The following C5orf24 variants were observed in gnomAD, a reference collection of about 807,000 sequenced individuals.
C5orf24 encodes the protein chromosome 5 open reading frame 24.
A neutral mutation model predicts 9.8 loss-of-function variants in C5orf24; 4 were observed. The ratio of observed to expected loss-of-function variants is 0.41; its 90% CI spans 0.20 to 0.93. C5orf24 has a LOEUF of 0.93. Ranked by LOEUF, C5orf24 falls within the 40% of genes least tolerant of loss-of-function variation. The pLI, the probability that C5orf24 is intolerant of heterozygous loss-of-function variation, is 0.33. For synonymous variants in C5orf24, 73 were observed against 81.3 expected, an observed-to-expected ratio of 0.90 and a Z score of 0.55; for missense variants, 170 against 236.9, an observed-to-expected ratio of 0.72 and a Z score of 1.85.
chr5:134,839,745 A>C, the C5orf24 span, among the ~76,000 whole-genome samples: 1 of 149,680 alleles, frequency 6.7e-6, no homozygotes, highest in Non-Finnish European at 1.5e-5. Flanking sequence ...GCTGGAGTGC[A>C]ATGGCGCAGT....
At chr5:134,834,369 C>T in the C5orf24 span, among the ~76,000 whole-genome samples, 1 of 152,150 alleles carries the variant, frequency 6.6e-6, no homozygotes, top group Admixed American at 6.6e-5. Flanking sequence ...CTCTCAAGTG[C>T]CTTCCAGCCA....
At position 134,856,101 on chromosome 5, in the gene C5orf24, G is replaced by A. The variant is rs1186323604; in HGVS notation, c.*634G>A. On this transcript the variant is annotated 3_prime_UTR_variant, in exon 2 of 2. Coordinates refer to ENST00000394976, the MANE Select transcript of C5orf24 (RefSeq NM_001135586.1). ...TACCTGAAATAATTCTTCAGTGTTT[G>A]CCTTTGAGCAGTGATAGGTTGTGTA... The A allele has an allele frequency of 2.0e-6, 2 of 1,000,396 alleles. No individual in the cohort carries two copies. Among genetic ancestry groups the A allele is most frequent in the Non-Finnish European group, 1.2e-6 (1 of 830,246 alleles). 62.0% of individuals were successfully genotyped at this position (1,000,396 alleles called of 1,614,324 possible). A position where few individuals can be genotyped will look rare whatever the true frequency, so the allele number is the denominator to read the frequency against.
rs147701326 is a variant in C5orf24 at position 134,849,148 on chromosome 5, C to G, written c.-4+2936C>G. 6.0e-3 allele frequency among the ~76,000 whole-genome samples: 846 copies of G among 141,182 alleles called. 4 individuals carry two copies. Among genetic ancestry groups the G allele is most frequent in the Middle Eastern group, 0.056 (12 of 214 alleles). The allele number at this position is 141,182 out of a possible 152,430, so 92.6% of individuals were successfully genotyped here. A position where few individuals can be genotyped will look rare whatever the true frequency, so the allele number is the denominator to read the frequency against. ...CACATGCCTGTAATCCCAGCTACTT[C>G]GGAGGCTGAGGCAGGAGAATCGCTT... On this transcript the variant is annotated intron_variant, in intron 1 of 1. Transcript: ENST00000394976.
chr5:134,847,981 G>A (rs966485544), intron 1 of C5orf24, among the ~76,000 whole-genome samples: 1 of 152,156 alleles, frequency 6.6e-6, no homozygotes, highest in African/African-American at 2.4e-5. Context: ...GGGATTACAG[G>A]CCTGAGCCAC....
the C5orf24 span, among the ~76,000 whole-genome samples, chr5:134,834,682 C>G: frequency 5.3e-5 from 8 of 151,874 alleles, no homozygotes; most frequent in South Asian, 1.7e-3. Context: ...TTTGGGAGGC[C>G]GAGGAGGGTG....
chr5:134,853,164 CA>C (rs995968461), intron 1 of C5orf24, among the ~76,000 whole-genome samples: 5 of 140,564 alleles, frequency 3.6e-5, no homozygotes, highest in Admixed American at 2.9e-4. Flanking sequence ...GACTCAGTCT[CA>C]AAAAAAAATA....
Position 134,854,898 on chromosome 5 carries a change from A to G in C5orf24, c.-3A>G. 6.2e-7 allele frequency: 1 copy of G among 1,613,244 alleles called. No individual in the cohort carries two copies. The highest frequency in any genetic ancestry group is 8.5e-7 in the Non-Finnish European group (1 of 1,179,872). On this transcript the variant is annotated splice_region_variant and 5_prime_UTR_variant, in exon 2 of 2. Coordinates refer to ENST00000394976, the MANE Select transcript of C5orf24 (RefSeq NM_001135586.1). ...TATATTTGTCTTTTATTTTTGGTAGAAAATGATGCATCCTGTTGCCAGCAG... is the reference window on the plus strand; with the variant it reads ...TATATTTGTCTTTTATTTTTGGTAGGAAATGATGCATCCTGTTGCCAGCAG...
rs1580846054 is a variant in C5orf24, at chr5:134,855,715, T to C, written c.*248T>C. ...CTAACTAAATCATTTTTCCTTTTCC[T>C]TTAGAGTTATGGTCATGTCTCATGT... On this transcript the variant is annotated 3_prime_UTR_variant, in exon 2 of 2. Coordinates refer to ENST00000394976, the MANE Select transcript of C5orf24 (RefSeq NM_001135586.1). 1 of 1,372,386 alleles carries C rather than the reference T, an allele frequency of 7.3e-7. No individual in the cohort carries two copies. Among genetic ancestry groups the C allele is most frequent in the Non-Finnish European group, 9.4e-7 (1 of 1,059,678 alleles). The allele number at this position is 1,372,386 out of a possible 1,614,324, so 85.0% of individuals were successfully genotyped here.
In C5orf24 at chr5:134,854,976, A is replaced by C. The variant is rs144977700; in HGVS notation, c.76A>C (p.Met26Leu). 2 of 1,614,056 alleles carry C rather than the reference A, an allele frequency of 1.2e-6. No homozygotes were observed. The highest frequency in any genetic ancestry group is 1.7e-6 in the Non-Finnish European group (2 of 1,180,042). ...GKPSCLNEDA[M>L]RAADQFDIYS... ...GCCTTCCTGCCTCAATGAAGATGCC[A>C]TGAGAGCTGCTGATCAGTTTGACAT... The change falls in exon 2 of 2, where the codon ATG becomes CTG. Residue 26 changes from methionine (M) to leucine (L), a missense_variant. Transcript: ENST00000394976.
the C5orf24 span, among the ~76,000 whole-genome samples, chr5:134,836,307 G>A: frequency 6.6e-6 from 1 of 151,532 alleles, no homozygotes; most frequent in African/African-American, 2.4e-5. Context: ...AAGTAGCTGG[G>A]ATTACAAGTG....
At chr5:134,846,747 C>T (rs2150171530) in intron 1 of C5orf24, 1 of 152,116 alleles carries the variant, frequency 6.6e-6, no homozygotes, top group East Asian at 1.9e-4. Context: ...AGTTAAGGAG[C>T]AGGAAGAAGA....
chr5:134,854,614 TA>T (rs1216239293), intron 1 of C5orf24, among the ~76,000 whole-genome samples: 1 of 152,244 alleles, frequency 6.6e-6, no homozygotes, highest in Admixed American at 6.5e-5. Flanking sequence ...GTTTTTGACT[TA>T]CACACTTTTC....
In C5orf24 at chr5:134,855,738, T is replaced by C; in HGVS notation, c.*271T>C. The stretch of plus-strand genomic sequence containing the variant: ...CCTTTAGAGTTATGGTCATGTCTCA[T>C]GTTTCATTACTACTTTGGGGCTGTT... On this transcript the variant is annotated 3_prime_UTR_variant, in exon 2 of 2. Coordinates refer to ENST00000394976, the MANE Select transcript of C5orf24 (RefSeq NM_001135586.1). The C allele has an allele frequency of 3.0e-6, 4 of 1,319,432 alleles. No homozygotes were observed. Among genetic ancestry groups the C allele is most frequent in the African/African-American group, 1.5e-5 (1 of 66,280 alleles). The allele number at this position is 1,319,432 out of a possible 1,614,324, so 81.7% of individuals were successfully genotyped here.
Position 134,856,631 on chromosome 5 carries a change from A to G in C5orf24, c.*1164A>G, listed in dbSNP as rs1756319444. 1 of 750,644 alleles carries G rather than the reference A, an allele frequency of 1.3e-6. No individual in the cohort carries two copies. The highest frequency in any genetic ancestry group is 1.9e-5 in the African/African-American group (1 of 51,358). The allele number at this position is 750,644 out of a possible 1,614,324, so 46.5% of individuals were successfully genotyped here. A position where few individuals can be genotyped will look rare whatever the true frequency, so the allele number is the denominator to read the frequency against. On this transcript the variant is annotated 3_prime_UTR_variant, in exon 2 of 2. Transcript: ENST00000394976. ...ACTCCAGCCTGGGTGACAGAGTAAG[A>G]CTCCGTCTCAAATAAATAAATAAAT...
chr5:134,854,061 C>CA (rs1420483819), intron 1 of C5orf24, among the ~76,000 whole-genome samples: 4 of 152,168 alleles, frequency 2.6e-5, no homozygotes, highest in African/African-American at 9.6e-5. Context: ...GCCTGGGTGA[C>CA]AGAGCAAGAC....
At chr5:134,843,494 C>T (rs910835065), upstream of C5orf24, among the ~76,000 whole-genome samples, 3 of 152,100 alleles carry the variant, frequency 2.0e-5, no homozygotes, top group Admixed American at 6.6e-5. Context: ...AGTGCAGTGG[C>T]GTGGCTCACT....
the C5orf24 span, among the ~76,000 whole-genome samples, chr5:134,839,200 CA>C: frequency 2.2e-3 from 265 of 121,148 alleles, no homozygotes; most frequent in South Asian, 7.9e-3. Context: ...GACCCTGTCT[CA>C]AAAAAAAAAA....
Position 134,857,048 on chromosome 5 carries a change from G to T in C5orf24, c.*1581G>T. On this transcript the variant is annotated 3_prime_UTR_variant, in exon 2 of 2. Transcript: ENST00000394976. ...AAGTATTAGGTAGATATGTATAGTA[G>T]GGACAGAGGGAAATCTTTCTTCTTT... 2 of 1,087,228 alleles carry T rather than the reference G, an allele frequency of 1.8e-6. No homozygotes were observed. The highest frequency in any genetic ancestry group is 1.1e-6 in the Non-Finnish European group (1 of 883,524). 67.3% of individuals were successfully genotyped at this position (1,087,228 alleles called of 1,614,324 possible). A position where few individuals can be genotyped will look rare whatever the true frequency, so the allele number is the denominator to read the frequency against.
Position 134,855,608 on chromosome 5 carries a change from C to A in C5orf24, c.*141C>A. The A allele has an allele frequency of 1.4e-6, 2 of 1,480,294 alleles. No homozygotes were observed. Among genetic ancestry groups the A allele is most frequent in the Non-Finnish European group, 1.8e-6 (2 of 1,118,830 alleles). 91.7% of individuals were successfully genotyped at this position (1,480,294 alleles called of 1,614,324 possible). On this transcript the variant is annotated 3_prime_UTR_variant, in exon 2 of 2. Coordinates refer to ENST00000394976, the MANE Select transcript of C5orf24 (RefSeq NM_001135586.1). The stretch of plus-strand genomic sequence containing the variant: ...CTGTTTGGTTTTTTTCCTGCTTTTG[C>A]TCAAAAACTGCCATATGCTGACAGA...
Sources: gnomAD v4.1 joint callset for allele counts (sites outside exome capture counted in the v4.1 genomes callset) on GRCh38, gnomAD v4.1.1 for gene constraint, MANE v1.5 for transcripts, NCBI Gene and HGNC (gene_info 2026-07-23, HGNC 2026-07-21) for gene names.